The following ALMS1 variants were observed in gnomAD, a reference collection of about 807,000 sequenced individuals.
ALMS1 encodes the protein centrosome-associated protein ALMS1.
In ALMS1, 271 loss-of-function variants were observed where a neutral mutation model predicts 352.2. That is an observed-to-expected ratio of 0.77 (90% CI 0.70 to 0.85). ALMS1 has a LOEUF of 0.85. Ranked by LOEUF, ALMS1 falls within the 40% of genes least tolerant of loss-of-function variation. The pLI is 0.00. For synonymous variants in ALMS1, 1,865 were observed against 1,761.2 expected (o/e 1.06, Z -1.48); for missense variants, 5,445 against 4,870.7 (o/e 1.12, Z -3.51).
intron 1 of ALMS1, among the ~76,000 whole-genome samples, chr2:73,394,709 TGAG>T (rs1420231990): frequency 3.3e-5 from 5 of 152,286 alleles, no homozygotes; most frequent in East Asian, 3.9e-4. Flanking sequence ...CAATTAATGA[TGAG>T]GATACATTCT....
chr2:73,519,908 C>T lies in ALMS1; in HGVS notation c.9673C>T (p.Arg3225Cys), dbSNP rs200215551. 4.3e-6 allele frequency: 7 copies of T among 1,614,080 alleles called. No homozygotes were observed. The African/African-American group carries it at 6.7e-5, about 15-fold the overall frequency. The change falls in exon 11 of 23, where the codon CGT (arginine) becomes TGT (cysteine). Residue 3225 changes from arginine (R) to cysteine (C), a missense_variant. By Grantham distance (180) the Arg-to-Cys change is radical (BLOSUM62 -3). Transcript: ENST00000613296. ...TGAGATTTTTATTAATGCTGAAGAT[C>T]GTGGACATGAAATTATAGAGCCTGG... ...SSEIFINAEDRGHEIIEPGNQ... is the reference protein window; with the variant it reads ...SSEIFINAEDCGHEIIEPGNQ...
At chr2:73,485,100 T>G (rs990207182) in intron 9 of ALMS1, among the ~76,000 whole-genome samples, 1 of 152,258 alleles carries the variant, frequency 6.6e-6, no homozygotes, top group Non-Finnish European at 1.5e-5. Context: ...CCATCCAGCT[T>G]TGTTCCATTG....
intron 16 of ALMS1, among the ~76,000 whole-genome samples, chr2:73,578,142 C>A (rs1675092079): frequency 6.6e-6 from 1 of 152,026 alleles, no homozygotes; most frequent in South Asian, 2.1e-4. Context: ...CTCTTTTTGT[C>A]TCTTGTAACA....
chr2:73,430,329 G>A (rs993434095), intron 6 of ALMS1, among the ~76,000 whole-genome samples: 18 of 152,148 alleles, frequency 1.2e-4, no homozygotes, highest in Non-Finnish European at 1.9e-4. Flanking sequence ...GCCCGCCTCG[G>A]CCTCCCAGAG....
intron 16 of ALMS1, among the ~76,000 whole-genome samples, chr2:73,591,879 A>G (rs1675441729): frequency 6.6e-6 from 1 of 152,234 alleles, no homozygotes; most frequent in Non-Finnish European, 1.5e-5. Flanking sequence ...ACAAAATTGT[A>G]TGATCATTTG....
intron 15 of ALMS1, among the ~76,000 whole-genome samples, chr2:73,565,464 G>T (rs1270888177): frequency 1.3e-5 from 2 of 152,112 alleles, no homozygotes; most frequent in Non-Finnish European, 2.9e-5. Flanking sequence ...TAAATGGGGG[G>T]AAATGACAAA....
intron 1 of ALMS1, among the ~76,000 whole-genome samples, chr2:73,398,161 G>T (rs1670800740): frequency 6.6e-6 from 1 of 152,172 alleles, no homozygotes; most frequent in Non-Finnish European, 1.5e-5. Context: ...ATTTTTGTGT[G>T]TGAAGGATGT....
intron 15 of ALMS1, among the ~76,000 whole-genome samples, chr2:73,562,367 G>A (rs1674681572): frequency 6.6e-6 from 1 of 152,048 alleles, no homozygotes; most frequent in South Asian, 2.1e-4. Flanking sequence ...CAAGTCCTAG[G>A]AAAATTTTGT....
chr2:73,474,474 T>C (rs924887976), intron 9 of ALMS1, among the ~76,000 whole-genome samples: 2 of 151,694 alleles, frequency 1.3e-5, no homozygotes, highest in Non-Finnish European at 2.9e-5. Context: ...ATGAAGTCTT[T>C]GACATTGTTT....
rs551013858 is a variant in ALMS1, at chr2:73,422,983, A to T, written c.764+9A>T. 4 of 1,583,778 alleles carry T rather than the reference A, an allele frequency of 2.5e-6. No individual in the cohort carries two copies. The South Asian group carries it at 4.4e-5, about 18-fold the overall frequency. On this transcript the variant is annotated intron_variant, in intron 4 of 22. Transcript: ENST00000613296. ...AGTTTTGCACCTCTGAGGTAGGATG[A>T]TTTATTTGCATGTAACCTTTCTCAC...
chr2:73,564,423 G>A (rs1452423108), intron 15 of ALMS1, among the ~76,000 whole-genome samples: 2 of 136,356 alleles, frequency 1.5e-5, no homozygotes, highest in Non-Finnish European at 3.0e-5. Flanking sequence ...CCAAGATCGC[G>A]CCACTGCACT....
At position 73,449,070 on chromosome 2, in the gene ALMS1, C is replaced by T; in HGVS notation, c.2543C>T (p.Thr848Ile). The change falls in exon 8 of 23, where the codon ACT becomes ATT. Residue 848 changes from threonine to isoleucine, a missense_variant. Physicochemically the swap from Thr to Ile is moderately conservative, Grantham distance 89 (BLOSUM62 -1). Transcript: ENST00000613296. ...GTTTCTGGACCAGCTGACGGAAAGA[C>T]TGGGACACCAGCTGTAACCTCTACT... ...SAVSGPADGKTGTPAVTSTSS... is the reference protein window; with the variant it reads ...SAVSGPADGKIGTPAVTSTSS... 1 of 1,614,144 alleles carries T rather than the reference C, an allele frequency of 6.2e-7. No homozygotes were observed. Among genetic ancestry groups the T allele is most frequent in the Non-Finnish European group, 8.5e-7 (1 of 1,179,992 alleles).
chr2:73,460,455 G>A (rs79245260), intron 9 of ALMS1, among the ~76,000 whole-genome samples: 2 of 152,058 alleles, frequency 1.3e-5, no homozygotes, highest in African/African-American at 4.8e-5. Flanking sequence ...TAAAAAATTC[G>A]GGTGGAGCCA....
In ALMS1 at chr2:73,451,441, T is replaced by C. The variant is rs1572935930; in HGVS notation, c.4914T>C (p.Asn1638=). The stretch of plus-strand genomic sequence containing the variant: ...AGGCTCTGCTAGACAGTCCTCTAAA[T>C]AAAGAGGTTGTGAAAGTTTCAGCTG... ...YRQALLDSPL[N]KEVVKVSAAP... The change falls in exon 8 of 23, where the codon AAT becomes AAC. Residue 1638 remains asparagine, a synonymous_variant. Coordinates refer to ENST00000613296, the MANE Select transcript of ALMS1 (RefSeq NM_001378454.1). 6.2e-7 allele frequency: 1 copy of C among 1,613,814 alleles called. No homozygotes were observed.
At chr2:73,552,256 C>G (rs560893474) in intron 13 of ALMS1, among the ~76,000 whole-genome samples, 34 of 152,258 alleles carry the variant, frequency 2.2e-4, no homozygotes, top group African/African-American at 7.2e-4. Context: ...TTTTATAAAT[C>G]CCTTTTGAAA....
rs1410435982 is a variant in ALMS1, at chr2:73,523,499, G to A, written c.9781+3483G>A. Among the ~76,000 whole-genome samples the A allele has an allele frequency of 3.3e-5, 5 of 152,180 alleles. No homozygotes were observed. The South Asian group carries it at 1.0e-3, about 32-fold the overall frequency. ...TTATTGTTTCTGGCCAGGCGTGGTGGCTCACACCTATAATCCCAGCACTTT... is the reference window on the plus strand; with the variant it reads ...TTATTGTTTCTGGCCAGGCGTGGTGACTCACACCTATAATCCCAGCACTTT... On this transcript the variant is annotated intron_variant, in intron 11 of 22. Coordinates refer to ENST00000613296, the MANE Select transcript of ALMS1 (RefSeq NM_001378454.1).
intron 11 of ALMS1, among the ~76,000 whole-genome samples, chr2:73,527,702 A>G (rs1213257057): frequency 6.6e-6 from 1 of 152,078 alleles, no homozygotes; most frequent in African/African-American, 2.4e-5. Flanking sequence ...TCTTTTCAAC[A>G]AACAAACTTT....
chr2:73,491,267 C>T lies in ALMS1; in HGVS notation c.9308C>T (p.Thr3103Ile). The T allele has an allele frequency of 6.2e-7, 1 of 1,614,088 alleles. No individual in the cohort carries two copies. The highest frequency in any genetic ancestry group is 8.5e-7 in the Non-Finnish European group (1 of 1,179,990). ...CTGGAACCAACCTCCAAATTATTGA[C>T]CAGTAAACCTGTAGCACAGGATCAA... Reference protein sequence around the residue: ...RSLEPTSKLLTSKPVAQDQES... With the variant: ...RSLEPTSKLLISKPVAQDQES... The change falls in exon 10 of 23, where the codon ACC becomes ATC. Residue 3103 changes from threonine to isoleucine, a missense_variant. Coordinates refer to ENST00000613296, the MANE Select transcript of ALMS1 (RefSeq NM_001378454.1).
At chr2:73,475,327 C>T (rs1417206060) in intron 9 of ALMS1, among the ~76,000 whole-genome samples, 1 of 152,056 alleles carries the variant, frequency 6.6e-6, no homozygotes, top group Non-Finnish European at 1.5e-5. Flanking sequence ...GAAGTAGCTG[C>T]ACTATTTACA....
Sources: gnomAD v4.1 joint callset for allele counts (sites outside exome capture counted in the v4.1 genomes callset) on GRCh38, gnomAD v4.1.1 for gene constraint, MANE v1.5 for transcripts, NCBI Gene and HGNC (gene_info 2026-07-23, HGNC 2026-07-21) for gene names.